SLC14A2: variants seen among roughly 807,000 people sequenced by gnomAD.
SLC14A2 encodes solute carrier family 14 member 2, also known as urea transporter 2.
A neutral mutation model predicts 104.6 loss-of-function variants in SLC14A2; 91 were observed. That is an observed-to-expected ratio of 0.87 (90% CI 0.73 to 1.04). SLC14A2 has a LOEUF of 1.04. Among genes scored for constraint, SLC14A2 ranks in the 50% least tolerant of loss-of-function variants. The pLI, the probability that SLC14A2 is intolerant of heterozygous loss-of-function variation, is 0.00. For missense variants in SLC14A2, 1,189 were observed against 1,156.0 expected (o/e 1.03, Z -0.41); for synonymous variants, 476 against 466.4 (o/e 1.02, Z -0.27).
chr18:45,206,448 G>C, the SLC14A2 span, among the ~76,000 whole-genome samples: 18 of 149,436 alleles, frequency 1.2e-4, no homozygotes, highest in East Asian at 1.9e-4. Context: ...CACACACACA[G>C]AGATACTTGG....
At chr18:45,359,810 G>T (rs952671296) in intron 1 of SLC14A2, among the ~76,000 whole-genome samples, 1 of 152,198 alleles carries the variant, frequency 6.6e-6, no homozygotes, top group Non-Finnish European at 1.5e-5. Context: ...CGGGTCTGCT[G>T]CCCAGCCACC....
intron 10 of SLC14A2, among the ~76,000 whole-genome samples, chr18:45,645,799 A>G (rs1006511313): frequency 1.3e-5 from 2 of 152,006 alleles, no homozygotes; most frequent in African/African-American, 2.4e-5. Flanking sequence ...CTATGTGTCA[A>G]TAAAACTTTA....
intron 2 of SLC14A2, among the ~76,000 whole-genome samples, chr18:45,535,818 A>C (rs564544497): frequency 6.6e-6 from 1 of 152,314 alleles, no homozygotes; most frequent in South Asian, 2.1e-4. Flanking sequence ...CTTACTAAAC[A>C]GTCTTTATCC....
chr18:45,322,477 C>G (rs1568150863), intron 1 of SLC14A2, among the ~76,000 whole-genome samples: 1 of 152,176 alleles, frequency 6.6e-6, no homozygotes, highest in Non-Finnish European at 1.5e-5. Flanking sequence ...ACTTACATAA[C>G]GTTCTGACAT....
At chr18:45,607,899 G>T (rs183207084) in intron 2 of SLC14A2, among the ~76,000 whole-genome samples, 1 of 152,346 alleles carries the variant, frequency 6.6e-6, no homozygotes, top group East Asian at 1.9e-4. Flanking sequence ...AAGGTTGCTT[G>T]TGTGTTGTCA....
At chr18:45,488,889 A>G (rs547784315) in intron 2 of SLC14A2, among the ~76,000 whole-genome samples, 4 of 152,346 alleles carry the variant, frequency 2.6e-5, no homozygotes, top group South Asian at 4.1e-4. Flanking sequence ...CCAGCACTGC[A>G]TAAGGATAGT....
chr18:45,632,141 G>T (rs72908376), intron 4 of SLC14A2, among the ~76,000 whole-genome samples: 45 of 18,500 alleles, frequency 2.4e-3, no homozygotes, highest in African/African-American at 7.0e-3. Context: ...GTGTGTGTGT[G>T]TGTTTGTGTG....
intron 2 of SLC14A2, among the ~76,000 whole-genome samples, chr18:45,591,821 A>C (rs1396104586): frequency 2.6e-5 from 4 of 152,214 alleles, no homozygotes; most frequent in Non-Finnish European, 4.4e-5. Context: ...GGAGAGCCAA[A>C]GACATTTCAT....
At chr18:45,501,612 T>C (rs1383879774) in intron 2 of SLC14A2, among the ~76,000 whole-genome samples, 2 of 152,166 alleles carry the variant, frequency 1.3e-5, no homozygotes, top group African/African-American at 4.8e-5. Context: ...GCAAGGGCCA[T>C]AGAGTTGCCG....
At chr18:45,565,569 C>T (rs1001631092) in intron 2 of SLC14A2, among the ~76,000 whole-genome samples, 10 of 152,188 alleles carry the variant, frequency 6.6e-5, no homozygotes, top group Non-Finnish European at 1.3e-4. Context: ...CAGTCTGACA[C>T]ATGAGGACGA....
chr18:45,381,512 A>G lies in SLC14A2; in HGVS notation c.-124-101721A>G, dbSNP rs1232342487. Among the ~76,000 whole-genome samples, 3 of 152,188 alleles carry G rather than the reference A, an allele frequency of 2.0e-5. No individual in the cohort carries two copies. The East Asian group carries it at 5.8e-4, about 29-fold the overall frequency. ...GGTTTGACACAGTTCCTTTGCTTCT[A>G]GATCCTGACCTCAGCCAGTTGAGGA... On this transcript the variant is annotated intron_variant, in intron 1 of 20. Coordinates refer to the SLC14A2 transcript ENST00000586448.
intron 1 of SLC14A2, among the ~76,000 whole-genome samples, chr18:45,329,213 G>A (rs1212610216): frequency 6.6e-6 from 1 of 152,192 alleles, no homozygotes; most frequent in Non-Finnish European, 1.5e-5. Flanking sequence ...CTTTGGCAAG[G>A]TAGCATTTCT....
chr18:45,436,242 A>C (rs2086595082), intron 1 of SLC14A2, among the ~76,000 whole-genome samples: 1 of 152,226 alleles, frequency 6.6e-6, no homozygotes, highest in Admixed American at 6.5e-5. Flanking sequence ...AATAGGTTAG[A>C]GGCAATCAGG....
chr18:45,218,038 T>TCG (rs2084026141), intron 1 of SLC14A2, among the ~76,000 whole-genome samples: 1 of 152,114 alleles, frequency 6.6e-6, no homozygotes, highest in Non-Finnish European at 1.5e-5. Flanking sequence ...TAACATAAAA[T>TCG]TTACCATTTT....
chr18:45,341,837 C>T (rs2085399459), intron 1 of SLC14A2, among the ~76,000 whole-genome samples: 1 of 151,996 alleles, frequency 6.6e-6, no homozygotes, highest in African/African-American at 2.4e-5. Context: ...ATCTGCCTCC[C>T]TTTGCCTCCC....
At chr18:45,370,730 C>T (rs955368270) in intron 1 of SLC14A2, among the ~76,000 whole-genome samples, 5 of 152,138 alleles carry the variant, frequency 3.3e-5, no homozygotes, top group African/African-American at 1.2e-4. Context: ...TGAGAAATCA[C>T]TCCCAGAAGG....
chr18:45,258,509 G>T (rs11662393), intron 1 of SLC14A2, among the ~76,000 whole-genome samples: 13,573 of 142,710 alleles, frequency 0.095, 2,446 homozygotes, highest in African/African-American at 0.13. Flanking sequence ...TGCTTTCTTA[G>T]GGTTCCAGCT....
chr18:45,264,368 C>T (rs1359944560), intron 1 of SLC14A2, among the ~76,000 whole-genome samples: 1 of 152,200 alleles, frequency 6.6e-6, no homozygotes, highest in Non-Finnish European at 1.5e-5. Flanking sequence ...AACTATAAGG[C>T]ACATAAAGTA....
the SLC14A2 span, among the ~76,000 whole-genome samples, chr18:45,169,445 G>C: frequency 2.0e-5 from 3 of 152,104 alleles, no homozygotes; most frequent in African/African-American, 7.2e-5. Flanking sequence ...GTGCTTTCCT[G>C]CCTCTTGCCT....
Sources: allele counts gnomAD v4.1 joint callset (sites outside exome capture counted in the v4.1 genomes callset), GRCh38; gene constraint gnomAD v4.1.1; transcripts MANE v1.5; gene names NCBI Gene and HGNC (gene_info 2026-07-23, HGNC 2026-07-21).